Variants in ARMC1 observed in about 807,000 individuals in gnomAD.
The protein encoded by ARMC1 is armadillo repeat containing 1.
A neutral mutation model predicts 31.4 loss-of-function variants in ARMC1; 16 were observed. The observed-to-expected ratio is 0.51, with a 90% CI of 0.34 to 0.77. The LOEUF (loss-of-function observed/expected upper bound fraction) is 0.77, where lower values mean the gene tolerates loss of function less well. Ranked by LOEUF, ARMC1 falls within the 30% of genes least tolerant of loss-of-function variation. The pLI is 0.01. For missense variants in ARMC1, 259 were observed against 347.5 expected, an observed-to-expected ratio of 0.75 and a Z score of 2.02; for synonymous variants, 114 against 118.9, an observed-to-expected ratio of 0.96 and a Z score of 0.27.
At chr8:65,629,668 G>A (rs528268950) in intron 1 of ARMC1, among the ~76,000 whole-genome samples, 2 of 151,852 alleles carry the variant, frequency 1.3e-5, no homozygotes, top group Non-Finnish European at 2.9e-5. Flanking sequence ...GCGTGCTGGC[G>A]GGCGCCTGTA....
At chr8:65,613,728 G>A (rs1808192864) in intron 3 of ARMC1, among the ~76,000 whole-genome samples, 1 of 152,168 alleles carries the variant, frequency 6.6e-6, no homozygotes, top group Non-Finnish European at 1.5e-5. Flanking sequence ...CACTTTGGGA[G>A]GCCAAGGCAG....
intron 2 of ARMC1, among the ~76,000 whole-genome samples, chr8:65,625,997 T>A (rs936984222): frequency 1.4e-4 from 21 of 151,848 alleles, no homozygotes; most frequent in African/African-American, 5.1e-4. Context: ...CAAGGGATTC[T>A]CCTGCCTCAG....
Position 65,627,349 on chromosome 8 carries a change from A to T in ARMC1, c.50T>A (p.Val17Glu). 6.2e-7 allele frequency: 1 copy of T among 1,612,164 alleles called. No homozygotes were observed. The highest frequency in any genetic ancestry group is 8.5e-7 in the Non-Finnish European group (1 of 1,178,760). Residue 17 changes from valine to glutamate, a missense_variant, in exon 2 of 7, where the codon GTA becomes GAA. Val to Glu is a moderately radical substitution (Grantham distance 121). Transcript: ENST00000276569. ...TGCTAGATCCCGTAACTGGTTAACT[A>T]CCGATAGAGCGTCAGGCTCTTCACT... ...TMSEEPDALSVVNQLRDLAAD... is the reference protein window; with the variant it reads ...TMSEEPDALSEVNQLRDLAAD...
intron 4 of ARMC1, among the ~76,000 whole-genome samples, chr8:65,609,857 C>CAAAAAAA (rs35519675): frequency 2.1e-5 from 2 of 93,062 alleles, no homozygotes; most frequent in Non-Finnish European, 4.1e-5. Flanking sequence ...GACTCTGTCT[C>CAAAAAAA]AAAAAAAAAA....
intron 3 of ARMC1, among the ~76,000 whole-genome samples, chr8:65,620,799 T>TAAAAAAAAAAAAAAAAAA (rs112946805): frequency 1.4e-5 from 2 of 139,172 alleles, no homozygotes; most frequent in Non-Finnish European, 1.5e-5. Flanking sequence ...TAGTTCCATT[T>TAAAAAAAAAAAAAAAAAA]AAAAAAAAAC....
chr8:65,617,005 G>C (rs1289941312), intron 3 of ARMC1, among the ~76,000 whole-genome samples: 1 of 150,906 alleles, frequency 6.6e-6, no homozygotes, highest in South Asian at 2.1e-4. Context: ...GGGAGGCGGG[G>C]GGCAGCCCCC....
intron 2 of ARMC1, among the ~76,000 whole-genome samples, chr8:65,626,440 C>G (rs995380326): frequency 2.2e-5 from 1 of 45,370 alleles, no homozygotes; most frequent in Non-Finnish European, 4.2e-5. Flanking sequence ...CCTATCTCTA[C>G]TAAAAAAAAA....
intron 4 of ARMC1, among the ~76,000 whole-genome samples, chr8:65,612,091 T>C (rs1462726813): frequency 6.6e-6 from 1 of 152,120 alleles, no homozygotes; most frequent in African/African-American, 2.4e-5. Context: ...TTTTATTCAG[T>C]TCACTTTCAT....
At chr8:65,632,243 A>G (rs1808661607) in intron 1 of ARMC1, among the ~76,000 whole-genome samples, 1 of 152,190 alleles carries the variant, frequency 6.6e-6, no homozygotes, top group African/African-American at 2.4e-5. Flanking sequence ...GTTCAAGACC[A>G]GCCTGGGCAA....
At chr8:65,616,473 C>T (rs990738760) in intron 3 of ARMC1, among the ~76,000 whole-genome samples, 4 of 152,350 alleles carry the variant, frequency 2.6e-5, no homozygotes, top group Non-Finnish European at 4.4e-5. Flanking sequence ...GGCGTAATCT[C>T]GGCTGGCTAC....
At chr8:65,628,460 T>C (rs1250064514) in intron 1 of ARMC1, among the ~76,000 whole-genome samples, 1 of 138,018 alleles carries the variant, frequency 7.2e-6, no homozygotes, top group Non-Finnish European at 1.5e-5. Context: ...TTGGTCAGGC[T>C]GGTCTCAAAC....
At chr8:65,612,459 A>C (rs866657808) in intron 4 of ARMC1, among the ~76,000 whole-genome samples, 1 of 152,110 alleles carries the variant, frequency 6.6e-6, no homozygotes, top group African/African-American at 2.4e-5. Flanking sequence ...CTGTCCCTGA[A>C]AAAAGAAAAG....
chr8:65,626,381 A>C (rs1171976185), intron 2 of ARMC1, among the ~76,000 whole-genome samples: 3 of 150,726 alleles, frequency 2.0e-5, no homozygotes, highest in African/African-American at 4.9e-5. Flanking sequence ...AGGTAGAAGA[A>C]TCACTTGAGG....
chr8:65,610,203 T>C (rs895585858), intron 4 of ARMC1, among the ~76,000 whole-genome samples: 3 of 152,000 alleles, frequency 2.0e-5, no homozygotes, highest in Non-Finnish European at 4.4e-5. Context: ...GTTCAAGCGA[T>C]TCTCCTGACT....
At chr8:65,605,654 C>A in intron 4 of ARMC1, 116 bp from the exon 5 acceptor site, 1 of 743,720 alleles carries the variant, frequency 1.3e-6, no homozygotes, top group Non-Finnish European at 2.3e-6. Context: ...TTCAGTTTTA[C>A]CATCTTATTT....
Position 65,602,813 on chromosome 8 carries a change from AT to A in ARMC1, c.*1580del, listed in dbSNP as rs1807919463. ...TAGAGCAATAGGTGCCCTGAAAGTT[AT>A]TGTTGCTTTTTTTGTTTTTTTTTTT... On this transcript the variant is annotated 3_prime_UTR_variant, in exon 7 of 7. Coordinates refer to ENST00000276569, the MANE Select transcript of ARMC1 (RefSeq NM_018120.6). The A allele has an allele frequency of 6.9e-6, 1 of 144,924 alleles. No individual in the cohort carries two copies. Among genetic ancestry groups the A allele is most frequent in the Non-Finnish European group, 1.5e-5 (1 of 65,460 alleles). The allele number at this position is 144,924 out of a possible 1,614,324, so 9.0% of individuals were successfully genotyped here.
intron 4 of ARMC1, 149 bp downstream of exon 4, chr8:65,613,095 C>A: frequency 2.0e-6 from 1 of 493,400 alleles, no homozygotes; most frequent in Non-Finnish European, 3.4e-6. Context: ...TTCTTATATC[C>A]TATGATTAAC....
At chr8:65,623,091 C>T (rs574997571) in intron 2 of ARMC1, among the ~76,000 whole-genome samples, 31 of 150,660 alleles carry the variant, frequency 2.1e-4, no homozygotes, top group African/African-American at 7.6e-4. Flanking sequence ...GGGTGGGTCA[C>T]GAGGTCAGGG....
chr8:65,613,798 T>C (rs921675088), intron 3 of ARMC1, among the ~76,000 whole-genome samples: 1 of 151,902 alleles, frequency 6.6e-6, no homozygotes, highest in African/African-American at 2.4e-5. Context: ...CCATCTCTAC[T>C]AAAATACAAA....
Sources: gnomAD v4.1 joint callset for allele counts (sites outside exome capture counted in the v4.1 genomes callset) on GRCh38, gnomAD v4.1.1 for gene constraint, MANE v1.5 for transcripts, NCBI Gene and HGNC (gene_info 2026-07-23, HGNC 2026-07-21) for gene names.